SLC22A23: variants seen among roughly 807,000 people sequenced by gnomAD.
SLC22A23 encodes solute carrier family 22 member 23, also known as ion transporter protein.
A neutral mutation model predicts 61.0 loss-of-function variants in SLC22A23; 26 were observed. That is an observed-to-expected ratio of 0.43 (90% CI 0.31 to 0.59). The LOEUF is 0.59. Ranked by LOEUF, SLC22A23 falls within the 20% of genes least tolerant of loss-of-function variation. The pLI is 0.11. For synonymous variants in SLC22A23, 430 were observed against 413.9 expected, an observed-to-expected ratio of 1.04 and a Z score of -0.47; for missense variants, 796 against 934.7, an observed-to-expected ratio of 0.85 and a Z score of 1.94.
At position 3,353,586 on chromosome 6, in the gene SLC22A23, C is replaced by T. The variant is rs143322577; in HGVS notation, c.914-29584G>A. Among the ~76,000 whole-genome samples, 333 of 152,294 alleles carry T rather than the reference C, an allele frequency of 2.2e-3. 3 individuals are homozygous for T. The highest frequency in any genetic ancestry group is 7.7e-3 in the African/African-American group (322 of 41,554). On this transcript the variant is annotated intron_variant, in intron 3 of 9. Transcript: ENST00000406686. ...AGGAAAACAGTTCAGCTGCAAATCA[C>T]AAGACTAGGGCTACTGGAATTTTTG...
intron 3 of SLC22A23, among the ~76,000 whole-genome samples, chr6:3,362,232 C>T (rs1325400983): frequency 4.0e-5 from 6 of 151,032 alleles, no homozygotes; most frequent in South Asian, 2.1e-4. Context: ...GGTGAAACCC[C>T]GTCTCTACTA....
chr6:3,298,386 T>A (rs1761300018), intron 4 of SLC22A23, among the ~76,000 whole-genome samples, 168 bp from the exon 5 acceptor site: 1 of 152,036 alleles, frequency 6.6e-6, no homozygotes, highest in Non-Finnish European at 1.5e-5. Flanking sequence ...ACGTTCCCAG[T>A]TTTCTTTTCC....
intron 1 of SLC22A23, among the ~76,000 whole-genome samples, chr6:3,453,491 T>C (rs1391509146): frequency 6.6e-6 from 1 of 152,104 alleles, no homozygotes; most frequent in African/African-American, 2.4e-5. Flanking sequence ...TTAACTACAA[T>C]AACCTGGGAT....
chr6:3,286,943 G>A lies in SLC22A23; in HGVS notation c.1462C>T (p.Arg488Ter), dbSNP rs1012880731. The A allele has an allele frequency of 6.2e-7, 1 of 1,614,000 alleles. No individual in the cohort carries two copies. The highest frequency in any genetic ancestry group is 8.5e-7 in the Non-Finnish European group (1 of 1,180,016). Residue 488 changes from arginine to a stop codon, truncating the protein, a stop_gained, in exon 7 of 10, where the codon CGA becomes TGA. Transcript: ENST00000406686. LOFTEE classifies it high-confidence loss of function. This position sits in a 1 kb window ranked among gnomAD's most constrained non-coding sequence, Gnocchi z 4.2. Reference sequence around the variant, plus strand: ...AGCCCTCCCCTGCGCCCGAGGAATCGGACCACCACGCACATGGCCAGGCAG... The same window carrying A: ...AGCCCTCCCCTGCGCCCGAGGAATCAGACCACCACGCACATGGCCAGGCAG... ...VSCLAMCVVV[R>*]FLGRRGGLLL...
In SLC22A23 at chr6:3,456,886, CGCGGCAGGAG is replaced by C. The variant is rs1693805013; in HGVS notation, c.-337_-328del. ...CCGCTCTCCGCTGCTCCGCGCCGGA[CGCGGCAGGAG>C]GAGGAGCCGGCGCCGCGCCCGGCCC... On this transcript the variant is annotated 5_prime_UTR_variant, in exon 1 of 10. Transcript: ENST00000406686. The surrounding 1 kb of genome is among the most constrained non-coding windows in gnomAD (Gnocchi z 7.1). 1.4e-5 allele frequency: 2 copies of C among 148,060 alleles called. No homozygotes were observed. The highest frequency in any genetic ancestry group is 4.2e-4 in the South Asian group (2 of 4,806). 9.2% of individuals were successfully genotyped at this position (148,060 alleles called of 1,614,324 possible). A position where few individuals can be genotyped will look rare whatever the true frequency, so the allele number is the denominator to read the frequency against.
At chr6:3,363,099 G>A (rs1235607765) in intron 3 of SLC22A23, among the ~76,000 whole-genome samples, 2 of 152,144 alleles carry the variant, frequency 1.3e-5, no homozygotes, top group African/African-American at 2.4e-5. Context: ...TGGGCTCTCC[G>A]CTCAGCTGGG....
intron 2 of SLC22A23, among the ~76,000 whole-genome samples, chr6:3,412,098 C>A (rs188079892): frequency 6.6e-6 from 1 of 152,144 alleles, no homozygotes; most frequent in African/African-American, 2.4e-5. Context: ...CAACGCCTGG[C>A]GCAGAGGAAA....
At chr6:3,358,201 C>T (rs928560751) in intron 3 of SLC22A23, among the ~76,000 whole-genome samples, 3 of 152,064 alleles carry the variant, frequency 2.0e-5, no homozygotes, top group African/African-American at 7.2e-5. Flanking sequence ...GCCATATGAT[C>T]CAGTGATTCT....
chr6:3,401,915 C>G (rs1768418735), intron 3 of SLC22A23, among the ~76,000 whole-genome samples: 1 of 152,228 alleles, frequency 6.6e-6, no homozygotes, highest in South Asian at 2.1e-4. Context: ...CTTACCAGGT[C>G]TGAAACAGAG....
chr6:3,417,540 T>C (rs1394315591), intron 1 of SLC22A23, among the ~76,000 whole-genome samples: 1 of 152,214 alleles, frequency 6.6e-6, no homozygotes, highest in African/African-American at 2.4e-5. Flanking sequence ...ATTGCTCCAG[T>C]GGTCCTCAAA....
intron 1 of SLC22A23, among the ~76,000 whole-genome samples, chr6:3,420,611 T>C (rs1335681364): frequency 2.0e-5 from 3 of 152,210 alleles, no homozygotes; most frequent in African/African-American, 7.2e-5. Context: ...TAATGATTAC[T>C]ACTTTACTAT....
chr6:3,395,424 G>C (rs1454768430), intron 3 of SLC22A23, among the ~76,000 whole-genome samples: 1 of 152,224 alleles, frequency 6.6e-6, no homozygotes, highest in Non-Finnish European at 1.5e-5. Context: ...ATCTTGTAAA[G>C]ATCAGCTTCA....
At position 3,279,089 on chromosome 6, in the gene SLC22A23, GATC is replaced by G. The variant is rs1322508312; in HGVS notation, c.1703+4760_1703+4762del. Among the ~76,000 whole-genome samples the G allele has an allele frequency of 2.0e-5, 3 of 152,180 alleles. No individual in the cohort carries two copies. In the East Asian group the frequency reaches 5.8e-4, roughly 29 times the overall value. On this transcript the variant is annotated intron_variant, in intron 9 of 9. Transcript: ENST00000406686. ...TAAAATGAAATATATTTAATTTGCA[GATC>G]ATTAGAAAAATGTCTATGTATATGT...
At chr6:3,425,383 C>G (rs1404037028) in intron 1 of SLC22A23, among the ~76,000 whole-genome samples, 1 of 144,218 alleles carries the variant, frequency 6.9e-6, no homozygotes, top group African/African-American at 2.6e-5. Flanking sequence ...CTCCCAGATT[C>G]ACACCATTCT....
At chr6:3,364,248 C>T (rs1325854311) in intron 3 of SLC22A23, among the ~76,000 whole-genome samples, 1 of 152,186 alleles carries the variant, frequency 6.6e-6, no homozygotes, top group Non-Finnish European at 1.5e-5. Flanking sequence ...TCTAAAACCT[C>T]TCCATGCAGG....
chr6:3,304,906 G>A lies in SLC22A23; in HGVS notation c.1083-6688C>T, dbSNP rs116027529. ...CGCAGGGAGAGGAGAGGGATGCAGG[G>A]CCCAGGGAGTGGAAGATCCTGAGTG... On this transcript the variant is annotated intron_variant, in intron 4 of 9. Transcript: ENST00000406686. This position sits in a 1 kb window ranked among gnomAD's most constrained non-coding sequence, Gnocchi z 4.3. Among the ~76,000 whole-genome samples the A allele has an allele frequency of 6.4e-3, 969 of 152,254 alleles. 10 individuals carry two copies. The highest frequency in any genetic ancestry group is 0.022 in the African/African-American group (904 of 41,520).
rs983978315 is a variant in SLC22A23 at position 3,410,513 on chromosome 6, A to T, written c.759-171T>A. Among the ~76,000 whole-genome samples the T allele has an allele frequency of 6.6e-6, 1 of 152,162 alleles. No homozygotes were observed. The highest frequency in any genetic ancestry group is 1.5e-5 in the Non-Finnish European group (1 of 68,032). On this transcript the variant is annotated intron_variant, in intron 2 of 9. Transcript: ENST00000406686. The surrounding 1 kb of genome is among the most constrained non-coding windows in gnomAD (Gnocchi z 5.0). ...AGATCCTAGGCTACTATGGGTAAAA[A>T]GGGAGATTTAGCCCAACCCCCTAAT...
At chr6:3,293,027 G>A (rs1581629046) in intron 5 of SLC22A23, among the ~76,000 whole-genome samples, 1 of 152,240 alleles carries the variant, frequency 6.6e-6, no homozygotes, top group Non-Finnish European at 1.5e-5. Context: ...AGGCCTCCGA[G>A]GACAGCAGAG....
chr6:3,398,646 C>T (rs1768176082), intron 3 of SLC22A23, among the ~76,000 whole-genome samples: 2 of 151,838 alleles, frequency 1.3e-5, no homozygotes, highest in Admixed American at 1.3e-4. Flanking sequence ...CCTGCAGCTT[C>T]GCCCAAGAGC....
Sources: allele counts gnomAD v4.1 joint callset (sites outside exome capture counted in the v4.1 genomes callset), GRCh38; gene constraint gnomAD v4.1.1; non-coding constraint Gnocchi (gnomAD v3.1); transcripts MANE v1.5; gene names NCBI Gene and HGNC (gene_info 2026-07-23, HGNC 2026-07-21).